The following EWSR1 variants were observed in gnomAD, a reference collection of about 807,000 sequenced individuals.
EWSR1 encodes EWS RNA binding protein 1.
A neutral mutation model predicts 92.1 loss-of-function variants in EWSR1; 14 were observed. That is an observed-to-expected ratio of 0.15 (90% CI 0.10 to 0.24). The LOEUF is 0.24. Ranked by LOEUF, EWSR1 falls within the 10% of genes least tolerant of loss-of-function variation. EWSR1 has a pLI of 1.00. For missense variants in EWSR1, 637 were observed against 870.9 expected, an observed-to-expected ratio of 0.73 and a Z score of 3.38; for synonymous variants, 303 against 292.9, an observed-to-expected ratio of 1.03 and a Z score of -0.35.
At chr22:29,287,969 G>T (rs1428964026) in intron 7 of EWSR1, among the ~76,000 whole-genome samples, 1 of 152,104 alleles carries the variant, frequency 6.6e-6, no homozygotes, top group East Asian at 1.9e-4. Context: ...TTGAGACCAG[G>T]AGTTTGAGAC....
chr22:29,280,918 C>T (rs1433502297), intron 5 of EWSR1, among the ~76,000 whole-genome samples: 2 of 126,278 alleles, frequency 1.6e-5, no homozygotes, highest in African/African-American at 3.0e-5. Context: ...CTTGCTCCGT[C>T]GCCCAGGCTG....
rs149042609 is a variant in EWSR1, at chr22:29,279,702, G to A, written c.413+1486G>A. Among the ~76,000 whole-genome samples, 843 of 152,308 alleles carry A rather than the reference G, an allele frequency of 5.5e-3. 3 individuals carry two copies. The highest frequency in any genetic ancestry group is 9.4e-3 in the Non-Finnish European group (637 of 68,018). ...AAGAAATTAGCTCTGACAAACACTC[G>A]TGAAATTACTTTTAAAATGCACAGT... On this transcript the variant is annotated intron_variant, in intron 5 of 16. Transcript: ENST00000397938.
intron 1 of EWSR1, chr22:29,269,249 C>T (rs1235557788): frequency 6.6e-6 from 1 of 152,232 alleles, no homozygotes; most frequent in African/African-American, 2.4e-5. Flanking sequence ...GCAGTGGCCT[C>T]GCACGTTTAT....
At chr22:29,292,262 C>A (rs917133814) in intron 10 of EWSR1, 93 bp downstream of exon 10, 5 of 1,259,500 alleles carry the variant, frequency 4.0e-6, no homozygotes, top group Non-Finnish European at 4.7e-6. Flanking sequence ...GCCTTATAGA[C>A]CAGTGTGATA....
At position 29,300,516 on chromosome 22, in the gene EWSR1, TAAAG is replaced by T. The variant is rs2061268764; in HGVS notation, c.*357_*360del. On this transcript the variant is annotated 3_prime_UTR_variant, in exon 17 of 17. Transcript: ENST00000397938. ...TTTTAAATAAAATTCCAAATGTTTA[TAAAG>T]AGTCATCCTTCTCGGCCTCTGTTCC... The T allele has an allele frequency of 4.6e-6, 1 of 216,696 alleles. No individual in the cohort carries two copies. Among genetic ancestry groups the T allele is most frequent in the East Asian group, 7.6e-5 (1 of 13,140 alleles). The allele number at this position is 216,696 out of a possible 1,614,324, so 13.4% of individuals were successfully genotyped here.
At chr22:29,275,292 T>G (rs950778504) in intron 4 of EWSR1, among the ~76,000 whole-genome samples, 2 of 152,214 alleles carry the variant, frequency 1.3e-5, no homozygotes, top group Non-Finnish European at 2.9e-5. Context: ...TTCCGAATCC[T>G]TAGATCATTT....
At chr22:29,297,300 A>G (rs1414612410) in intron 12 of EWSR1, among the ~76,000 whole-genome samples, 3 of 152,246 alleles carry the variant, frequency 2.0e-5, no homozygotes, top group Admixed American at 2.0e-4. Context: ...CTACAGGCGC[A>G]TGTCACCACG....
intron 4 of EWSR1, chr22:29,274,404 A>G: frequency 9.1e-7 from 1 of 1,097,888 alleles, no homozygotes; most frequent in Non-Finnish European, 1.4e-6. Flanking sequence ...CACACACAGC[A>G]AGGTGCTAAT....
chr22:29,278,709 C>T (rs1431007503), intron 5 of EWSR1, among the ~76,000 whole-genome samples: 3 of 152,060 alleles, frequency 2.0e-5, no homozygotes, highest in African/African-American at 7.2e-5. Flanking sequence ...CCTGTCGTCC[C>T]AGCTACTCGG....
At chr22:29,275,006 C>T (rs531262970) in intron 4 of EWSR1, among the ~76,000 whole-genome samples, 12 of 152,242 alleles carry the variant, frequency 7.9e-5, no homozygotes, top group Admixed American at 7.9e-4. Context: ...GGGGAAAAAC[C>T]TGTCTGTAAT....
intron 1 of EWSR1, chr22:29,269,750 C>G (rs1001544899): frequency 2.0e-5 from 3 of 152,206 alleles, no homozygotes; most frequent in African/African-American, 4.8e-5. Flanking sequence ...CACAGCTAAC[C>G]TCCCGGTGGG....
chr22:29,291,012 G>T, intron 8 of EWSR1: 1 of 236,416 alleles, frequency 4.2e-6, no homozygotes, highest in East Asian at 6.0e-5. Context: ...AAATCTATTC[G>T]TGCCCTGAGA....
At chr22:29,272,477 C>G (rs757936434) in intron 3 of EWSR1, 46 bp downstream of exon 3, 1 of 1,546,550 alleles carries the variant, frequency 6.5e-7, no homozygotes, top group Non-Finnish European at 8.9e-7. Flanking sequence ...CAAGTAAAAT[C>G]AGTATATTAT....
intron 5 of EWSR1, 58 bp downstream of exon 5, chr22:29,278,274 G>A (rs774342568): frequency 6.6e-7 from 1 of 1,510,978 alleles, no homozygotes; most frequent in Non-Finnish European, 9.0e-7. Flanking sequence ...GAAAGCAACT[G>A]TGTACACTTA....
intron 4 of EWSR1, among the ~76,000 whole-genome samples, chr22:29,275,437 G>T (rs1374776222): frequency 6.6e-6 from 1 of 152,158 alleles, no homozygotes; most frequent in East Asian, 1.9e-4. Context: ...TTAGAGACTA[G>T]TAGCTTTGAT....
intron 12 of EWSR1, among the ~76,000 whole-genome samples, chr22:29,296,641 G>A (rs1388944611): frequency 6.6e-6 from 1 of 152,130 alleles, no homozygotes; most frequent in Non-Finnish European, 1.5e-5. Flanking sequence ...CCCTTCAAAA[G>A]AACATCTTAG....
chr22:29,278,254 T>G (rs1555902355), intron 5 of EWSR1, 38 bp downstream of exon 5: 21 of 1,590,652 alleles, frequency 1.3e-5, no homozygotes, highest in Non-Finnish European at 1.6e-5. Context: ...AGTCTTATGT[T>G]GGAGGGAAAG....
chr22:29,275,851 TACC>T (rs1363775145), intron 4 of EWSR1: 2 of 232,176 alleles, frequency 8.6e-6, no homozygotes, highest in Non-Finnish European at 1.7e-5. Context: ...TAATATTTCT[TACC>T]ACCTTTTTCC....
chr22:29,284,784 C>G (rs2059892886), intron 6 of EWSR1, among the ~76,000 whole-genome samples: 1 of 151,244 alleles, frequency 6.6e-6, no homozygotes, highest in Non-Finnish European at 1.5e-5. Flanking sequence ...ATTTGTAAAG[C>G]TTAATACCAG....
Sources: gnomAD v4.1 joint callset for allele counts (sites outside exome capture counted in the v4.1 genomes callset) on GRCh38, gnomAD v4.1.1 for gene constraint, MANE v1.5 for transcripts, NCBI Gene and HGNC (gene_info 2026-07-23, HGNC 2026-07-21) for gene names.